CECR2: variants seen among roughly 807,000 people sequenced by gnomAD.
The protein encoded by CECR2 is chromatin remodeling regulator CECR2.
CECR2 carries 30 observed loss-of-function variants against 154.5 expected under a neutral mutation model. The observed-to-expected ratio is 0.19, with a 90% CI of 0.15 to 0.26. CECR2 has a LOEUF of 0.26. Ranked by LOEUF, CECR2 falls within the 10% of genes least tolerant of loss-of-function variation. CECR2 has a pLI of 1.00. For missense variants in CECR2, 1,743 were observed against 1,829.3 expected (o/e 0.95, Z 0.86); for synonymous variants, 725 against 683.7 (o/e 1.06, Z -0.94).
At chr22:17,401,574 C>CT (rs970867381) in intron 1 of CECR2, among the ~76,000 whole-genome samples, 5 of 151,942 alleles carry the variant, frequency 3.3e-5, no homozygotes, top group Non-Finnish European at 5.9e-5. Context: ...GATATACGCT[C>CT]TTTTGATGTT....
intron 1 of CECR2, among the ~76,000 whole-genome samples, chr22:17,448,936 G>A (rs895485304): frequency 2.0e-5 from 3 of 151,636 alleles, no homozygotes; most frequent in Non-Finnish European, 4.4e-5. Flanking sequence ...CTGAGGTACC[G>A]TGGCACGGTC....
At chr22:17,439,843 G>A (rs752809294) in intron 1 of CECR2, among the ~76,000 whole-genome samples, 1 of 152,136 alleles carries the variant, frequency 6.6e-6, no homozygotes, top group African/African-American at 2.4e-5. Context: ...GTGAAAGCCC[G>A]TCATTAGCGG....
intron 1 of CECR2, among the ~76,000 whole-genome samples, chr22:17,416,322 A>G (rs993780403): frequency 2.0e-5 from 3 of 152,092 alleles, no homozygotes; most frequent in Non-Finnish European, 4.4e-5. Flanking sequence ...GATGGAATAT[A>G]TATATGTTTA....
intron 1 of CECR2, among the ~76,000 whole-genome samples, chr22:17,431,587 T>C (rs970974937): frequency 5.9e-5 from 9 of 152,230 alleles, no homozygotes; most frequent in African/African-American, 2.2e-4. Flanking sequence ...TGCTTTTATA[T>C]ACTACTGTTT....
chr22:17,523,702 G>A (rs1182676227), intron 8 of CECR2, among the ~76,000 whole-genome samples: 2 of 144,810 alleles, frequency 1.4e-5, no homozygotes, highest in Non-Finnish European at 3.0e-5. Flanking sequence ...CTTGCAGTGA[G>A]CCAAGATCGC....
chr22:17,545,143 C>CG (rs2056591380), intron 16 of CECR2, among the ~76,000 whole-genome samples: 1 of 151,080 alleles, frequency 6.6e-6, no homozygotes. Context: ...GGGAGGCTGA[C>CG]GCGGGTGGAT....
At chr22:17,480,517 C>A (rs536736753) in intron 2 of CECR2, among the ~76,000 whole-genome samples, 1 of 151,552 alleles carries the variant, frequency 6.6e-6, no homozygotes, top group East Asian at 1.9e-4. Context: ...AAACTGAACA[C>A]ACCTGTGTAA....
At chr22:17,388,646 C>T (rs1237287446) in intron 1 of CECR2, among the ~76,000 whole-genome samples, 2 of 152,146 alleles carry the variant, frequency 1.3e-5, no homozygotes, top group Admixed American at 6.6e-5. Flanking sequence ...ACGCAATTTA[C>T]GGAGAACACT....
At chr22:17,493,754 A>C (rs113228618) in intron 2 of CECR2, among the ~76,000 whole-genome samples, 260 of 152,388 alleles carry the variant, frequency 1.7e-3, no homozygotes, top group African/African-American at 5.9e-3. Flanking sequence ...TGTTGTCTAA[A>C]GGAGCAGCAC....
chr22:17,530,340 T>G (rs2056335355), intron 9 of CECR2, among the ~76,000 whole-genome samples: 1 of 151,904 alleles, frequency 6.6e-6, no homozygotes, highest in African/African-American at 2.4e-5. Flanking sequence ...AGAGCTTTTA[T>G]TTATTTAAAG....
At chr22:17,515,244 C>G (rs527884012) in intron 8 of CECR2, among the ~76,000 whole-genome samples, 42 of 152,208 alleles carry the variant, frequency 2.8e-4, no homozygotes, top group African/African-American at 9.1e-4. Flanking sequence ...TTTACAAGTG[C>G]AGGGCCGTGC....
At chr22:17,502,896 C>G (rs911516275) in intron 5 of CECR2, among the ~76,000 whole-genome samples, 186 bp from the exon 6 acceptor site, 5 of 152,160 alleles carry the variant, frequency 3.3e-5, no homozygotes, top group African/African-American at 9.7e-5. Flanking sequence ...TACTTCCCTC[C>G]TAGACCAGCA....
intron 1 of CECR2, among the ~76,000 whole-genome samples, chr22:17,392,889 A>C (rs1422253600): frequency 6.6e-6 from 1 of 151,800 alleles, no homozygotes; most frequent in Non-Finnish European, 1.5e-5. Context: ...AAAATACAAA[A>C]ATTAGCCAGG....
chr22:17,515,677 C>CTTT lies in CECR2; in HGVS notation c.954+3795_954+3797dup, dbSNP rs35782642. ...GTTTATAATTTGCTGCACTACCAAC[C>CTTT]TTTTTTTTTTTTTTTTGAGACGGAG... On this transcript the variant is annotated intron_variant, in intron 8 of 18. Coordinates refer to ENST00000262608, the MANE Select transcript of CECR2 (RefSeq NM_001290047.2). Among the ~76,000 whole-genome samples, 6 of 140,532 alleles carry CTTT rather than the reference C, an allele frequency of 4.3e-5. No homozygotes were observed. The South Asian group carries it at 9.0e-4, about 21-fold the overall frequency. 92.2% of individuals were successfully genotyped at this position (140,532 alleles called of 152,430 possible).
At chr22:17,538,889 C>A in intron 12 of CECR2, 104 bp from the exon 13 acceptor site, 1 of 1,411,076 alleles carries the variant, frequency 7.1e-7, no homozygotes, top group Non-Finnish European at 9.7e-7. Flanking sequence ...TTATTCATTA[C>A]AGATCAGCAT....
chr22:17,518,866 C>A lies in CECR2; in HGVS notation c.955-5252C>A, dbSNP rs140475426. On this transcript the variant is annotated intron_variant, in intron 8 of 18. Transcript: ENST00000262608. ...ATGTAGGAGTTTTTACCTCTCCTTT[C>A]TCTTAGTATCCTTCCTTCTCCCCCA... is the stretch of plus-strand genomic sequence containing the variant. 1.1e-3 allele frequency: 283 copies of A among 253,258 alleles called. 1 individual carries two copies. The highest frequency in any genetic ancestry group is 6.2e-3 in the African/African-American group (268 of 43,500). The allele number at this position is 253,258 out of a possible 1,614,324, so 15.7% of individuals were successfully genotyped here. A position where few individuals can be genotyped will look rare whatever the true frequency, so the allele number is the denominator to read the frequency against.
intron 1 of CECR2, among the ~76,000 whole-genome samples, chr22:17,413,593 C>A (rs749021073): frequency 6.6e-6 from 1 of 152,030 alleles, no homozygotes; most frequent in South Asian, 2.1e-4. Flanking sequence ...TGGGCCTGCT[C>A]GCCAAACTAT....
chr22:17,549,389 G>A lies in CECR2; in HGVS notation c.4102G>A (p.Ala1368Thr), dbSNP rs895744714. 26 of 1,613,768 alleles carry A rather than the reference G, an allele frequency of 1.6e-5. 1 individual carries two copies. Among genetic ancestry groups the A allele is most frequent in the Non-Finnish European group, 2.1e-5 (25 of 1,179,870 alleles). Residue 1368 changes from alanine to threonine, a missense_variant, in exon 17 of 19, where the codon GCT becomes ACT. Ala to Thr is a moderately conservative substitution (Grantham distance 58, BLOSUM62 0). Around this residue, in one of 4 missense-constraint regions of CECR2, gnomAD observed 1,250 missense variants for 1,192.1 expected, o/e 1.05. Coordinates refer to ENST00000262608, the MANE Select transcript of CECR2 (RefSeq NM_001290047.2). ...GCCCAGGGCTTACTCTTCCCCTGTG[G>A]CTGCCCTCCCACCTCACCACCCAGG... The part of the protein sequence containing the change: ...FQPRAYSSPV[A>T]ALPPHHPGAT...
At chr22:17,400,893 G>C (rs537947221) in intron 1 of CECR2, among the ~76,000 whole-genome samples, 2 of 152,230 alleles carry the variant, frequency 1.3e-5, no homozygotes, top group South Asian at 4.2e-4. Context: ...TGGGACTACA[G>C]GCGCATGCCA....
Sources: gnomAD v4.1 joint callset for allele counts (sites outside exome capture counted in the v4.1 genomes callset) on GRCh38, gnomAD v4.1.1 for gene constraint, gnomAD v4.1.1 regional missense constraint, MANE v1.5 for transcripts, NCBI Gene and HGNC (gene_info 2026-07-23, HGNC 2026-07-21) for gene names.